PLEKHA3: variants seen among roughly 807,000 people sequenced by gnomAD.
PLEKHA3 encodes pleckstrin homology domain containing A3, also known as pleckstrin homology domain-containing family A member 3.
In PLEKHA3, 19 loss-of-function variants were observed where a neutral mutation model predicts 39.2. The observed-to-expected ratio is 0.48, with a 90% CI of 0.34 to 0.71. PLEKHA3 has a LOEUF of 0.71. Among genes scored for constraint, PLEKHA3 ranks in the 30% least tolerant of loss-of-function variants. The pLI, the probability that PLEKHA3 is intolerant of heterozygous loss-of-function variation, is 0.01. For missense variants in PLEKHA3, 253 were observed against 359.5 expected (o/e 0.70, Z 2.40); for synonymous variants, 97 against 118.6 (o/e 0.82, Z 1.18).
intron 2 of PLEKHA3, among the ~76,000 whole-genome samples, chr2:178,489,308 A>G (rs753781075): frequency 6.6e-6 from 1 of 152,318 alleles, no homozygotes; most frequent in Admixed American, 6.5e-5. Flanking sequence ...TACTTGCCAT[A>G]ATACACTAAA....
At position 178,514,513 on chromosome 2, in the gene PLEKHA3, A is replaced by G. The variant is rs192747063; in HGVS notation, c.*10626A>G. The stretch of plus-strand genomic sequence containing the variant: ...CTAGGATGAACTCTTAAGTTCATAC[A>G]TATACTTTAAAATGGGAACAAACAT... On this transcript the variant is annotated 3_prime_UTR_variant, in exon 8 of 8. Coordinates refer to ENST00000234453, the MANE Select transcript of PLEKHA3 (RefSeq NM_019091.4). 1 of 152,298 alleles carries G rather than the reference A, an allele frequency of 6.6e-6. No homozygotes were observed. Among genetic ancestry groups the G allele is most frequent in the East Asian group, 1.9e-4 (1 of 5,186 alleles). 9.4% of individuals were successfully genotyped at this position (152,298 alleles called of 1,614,324 possible). A position where few individuals can be genotyped will look rare whatever the true frequency, so the allele number is the denominator to read the frequency against.
rs1021889450 is a variant in PLEKHA3, at chr2:178,480,609, T to C, written c.-261T>C. 2 of 295,726 alleles carry C rather than the reference T, an allele frequency of 6.8e-6. No individual in the cohort carries two copies. The highest frequency in any genetic ancestry group is 4.4e-5 in the African/African-American group (2 of 45,288). The allele number at this position is 295,726 out of a possible 1,614,324, so 18.3% of individuals were successfully genotyped here. ...AGGAGGCCGGTCGCGGGCGCATTTT[T>C]GCCGTTGTCGCGGCCGCCGCCGCCG... On this transcript the variant is annotated 5_prime_UTR_variant, in exon 1 of 8. Coordinates refer to ENST00000234453, the MANE Select transcript of PLEKHA3 (RefSeq NM_019091.4).
intron 5 of PLEKHA3, among the ~76,000 whole-genome samples, chr2:178,498,398 A>G (rs1685478928): frequency 6.6e-6 from 1 of 152,212 alleles, no homozygotes; most frequent in African/African-American, 2.4e-5. Context: ...AGGCATTTGC[A>G]TAACATCAAT....
At position 178,480,635 on chromosome 2, in the gene PLEKHA3, A is replaced by C; in HGVS notation, c.-235A>C. On this transcript the variant is annotated 5_prime_UTR_variant, in exon 1 of 8. Transcript: ENST00000234453. ...GCCGTTGTCGCGGCCGCCGCCGCCGAGGCTTACCCGGGAATGTCTGGGCCC... is the reference window on the plus strand; with the variant it reads ...GCCGTTGTCGCGGCCGCCGCCGCCGCGGCTTACCCGGGAATGTCTGGGCCC... 3.1e-6 allele frequency: 1 copy of C among 324,526 alleles called. No individual in the cohort carries two copies. The highest frequency in any genetic ancestry group is 5.6e-6 in the Non-Finnish European group (1 of 180,162). The allele number at this position is 324,526 out of a possible 1,614,324, so 20.1% of individuals were successfully genotyped here.
At position 178,495,668 on chromosome 2, in the gene PLEKHA3, C is replaced by T. The variant is rs1165389977; in HGVS notation, c.615+8C>T. ...CCTTCTCCTGTTCAAATGGTTTGAA[C>T]TTCTTGTTTTGGTTTTTTCCCTCAG... is the stretch of plus-strand genomic sequence containing the variant. On this transcript the variant is annotated splice_region_variant and intron_variant, in intron 5 of 7. Coordinates refer to ENST00000234453, the MANE Select transcript of PLEKHA3 (RefSeq NM_019091.4). The T allele has an allele frequency of 6.3e-7, 1 of 1,583,346 alleles. No individual in the cohort carries two copies. Among genetic ancestry groups the T allele is most frequent in the Non-Finnish European group, 8.6e-7 (1 of 1,163,666 alleles).
chr2:178,484,190 A>G (rs1299335829), intron 1 of PLEKHA3, among the ~76,000 whole-genome samples: 1 of 152,150 alleles, frequency 6.6e-6, no homozygotes, highest in Non-Finnish European at 1.5e-5. Flanking sequence ...GGTACCTCTT[A>G]TGTGCCAGGC....
At position 178,480,896 on chromosome 2, in the gene PLEKHA3, C is replaced by T. The variant is rs773315556; in HGVS notation, c.27C>T (p.Thr9=). The T allele has an allele frequency of 1.8e-5, 23 of 1,313,394 alleles. No individual in the cohort carries two copies. Among genetic ancestry groups the T allele is most frequent in the Non-Finnish European group, 2.3e-5 (23 of 1,021,980 alleles). 81.4% of individuals were successfully genotyped at this position (1,313,394 alleles called of 1,614,324 possible). A position where few individuals can be genotyped will look rare whatever the true frequency, so the allele number is the denominator to read the frequency against. The change falls in exon 1 of 8, where the codon ACC becomes ACT. Residue 9 remains threonine (T), a synonymous_variant. Transcript: ENST00000234453. ...TGGAGGGGGTGTTGTACAAGTGGAC[C>T]AACTATCTCACAGGTATGGGGGCTC... MEGVLYKW[T]NYLTGWQPRW...
intron 6 of PLEKHA3, among the ~76,000 whole-genome samples, chr2:178,500,428 TC>T (rs1161055736): frequency 6.6e-6 from 1 of 152,134 alleles, no homozygotes; most frequent in Non-Finnish European, 1.5e-5. Flanking sequence ...TTCTATCCTT[TC>T]TACCTCATAA....
Position 178,505,001 on chromosome 2 carries a change from T to G in PLEKHA3, c.*1114T>G, listed in dbSNP as rs1480576442. On this transcript the variant is annotated 3_prime_UTR_variant, in exon 8 of 8. Transcript: ENST00000234453. ...TAAGGAGCACTTTAAAACAAACTGG[T>G]GTGTTGTTTTTAAGTTAATCATATG... is the stretch of plus-strand genomic sequence containing the variant. 1 of 152,414 alleles carries G rather than the reference T, an allele frequency of 6.6e-6. No homozygotes were observed. The highest frequency in any genetic ancestry group is 1.5e-5 in the Non-Finnish European group (1 of 67,862). 9.4% of individuals were successfully genotyped at this position (152,414 alleles called of 1,614,324 possible).
intron 4 of PLEKHA3, 124 bp from the exon 5 acceptor site, chr2:178,495,372 A>C (rs368512700): frequency 1.2e-5 from 11 of 917,680 alleles, no homozygotes; most frequent in Admixed American, 3.2e-5. Context: ...ACTGTATTTT[A>C]AATAAATTTG....
In PLEKHA3 at chr2:178,506,084, A is replaced by G. The variant is rs1025324856; in HGVS notation, c.*2197A>G. 2 of 152,108 alleles carry G rather than the reference A, an allele frequency of 1.3e-5. No individual in the cohort carries two copies. The highest frequency in any genetic ancestry group is 4.8e-5 in the African/African-American group (2 of 41,430). The allele number at this position is 152,108 out of a possible 1,614,324, so 9.4% of individuals were successfully genotyped here. On this transcript the variant is annotated 3_prime_UTR_variant, in exon 8 of 8. Coordinates refer to ENST00000234453, the MANE Select transcript of PLEKHA3 (RefSeq NM_019091.4). The stretch of plus-strand genomic sequence containing the variant: ...TTTCAAGTGTGCCTGACTTTTTTGA[A>G]TTTTAAGAAAAAGATGAACCATATA...
At position 178,506,972 on chromosome 2, in the gene PLEKHA3, C is replaced by T. The variant is rs1685611941; in HGVS notation, c.*3085C>T. The stretch of plus-strand genomic sequence containing the variant: ...TCTGTTGTTTTTTTTTTAATTTTAG[C>T]TTTCTTTTTATTAAACTAGTTAATG... On this transcript the variant is annotated 3_prime_UTR_variant, in exon 8 of 8. Transcript: ENST00000234453. The T allele has an allele frequency of 6.6e-6, 1 of 151,562 alleles. No homozygotes were observed. The highest frequency in any genetic ancestry group is 1.5e-5 in the Non-Finnish European group (1 of 67,880). The allele number at this position is 151,562 out of a possible 1,614,324, so 9.4% of individuals were successfully genotyped here.
rs1335766716 is a variant in PLEKHA3 at position 178,488,933 on chromosome 2, T to C, written c.158-1726T>C. Reference sequence around the variant, plus strand: ...GTCTTGTCCATCTTTTCTGATGTTTTGGAAGCATCATTTTTAAGTTTGTTG... The same window carrying C: ...GTCTTGTCCATCTTTTCTGATGTTTCGGAAGCATCATTTTTAAGTTTGTTG... On this transcript the variant is annotated intron_variant, in intron 2 of 7. Transcript: ENST00000234453. 3 of 451,094 alleles carry C rather than the reference T, an allele frequency of 6.7e-6. No individual in the cohort carries two copies. In the East Asian group the frequency reaches 2.1e-4, roughly 32 times the overall value. 27.9% of individuals were successfully genotyped at this position (451,094 alleles called of 1,614,324 possible). A position where few individuals can be genotyped will look rare whatever the true frequency, so the allele number is the denominator to read the frequency against.
chr2:178,486,199 A>G lies in PLEKHA3; in HGVS notation c.157+442A>G, dbSNP rs182574082. Reference sequence around the variant, plus strand: ...AACTCTGGTTCTTTGCTGAATTTGGAGGTAAGTTCCTCTGGGTGATAGAGA... The same window carrying G: ...AACTCTGGTTCTTTGCTGAATTTGGGGGTAAGTTCCTCTGGGTGATAGAGA... On this transcript the variant is annotated intron_variant, in intron 2 of 7. Transcript: ENST00000234453. Among the ~76,000 whole-genome samples, 4 of 152,232 alleles carry G rather than the reference A, an allele frequency of 2.6e-5. No individual in the cohort carries two copies. The East Asian group carries it at 7.7e-4, about 29-fold the overall frequency.
chr2:178,498,651 GA>G (rs1685483226), intron 5 of PLEKHA3, among the ~76,000 whole-genome samples: 1 of 151,368 alleles, frequency 6.6e-6, no homozygotes, highest in Non-Finnish European at 1.5e-5. Context: ...ATATGTTTTG[GA>G]AATCCACTGA....
intron 5 of PLEKHA3, among the ~76,000 whole-genome samples, chr2:178,498,036 A>G (rs569425765): frequency 6.6e-6 from 1 of 152,174 alleles, no homozygotes; most frequent in Non-Finnish European, 1.5e-5. Context: ...TTCCAAAACA[A>G]TTTAATCTGA....
At chr2:178,500,679 T>C (rs1393718087) in intron 6 of PLEKHA3, among the ~76,000 whole-genome samples, 1 of 152,072 alleles carries the variant, frequency 6.6e-6, no homozygotes, top group Non-Finnish European at 1.5e-5. Flanking sequence ...TCCTTGCCCA[T>C]CTCTTTCAGT....
rs745579081 is a variant in PLEKHA3, at chr2:178,503,915, AGTAT to A, written c.*29_*32del. 2 of 1,608,848 alleles carry A rather than the reference AGTAT, an allele frequency of 1.2e-6. No individual in the cohort carries two copies. The highest frequency in any genetic ancestry group is 1.7e-6 in the Non-Finnish European group (2 of 1,176,356). On this transcript the variant is annotated 3_prime_UTR_variant, in exon 8 of 8. Transcript: ENST00000234453. ...AAACTGAAGTGTCCAACTTCCTCTA[AGTAT>A]TGCTATGCAAAAGCTGCTGTAATTA...
intron 3 of PLEKHA3, among the ~76,000 whole-genome samples, chr2:178,491,548 T>C (rs1177430244): frequency 6.6e-6 from 1 of 152,264 alleles, no homozygotes; most frequent in African/African-American, 2.4e-5. Flanking sequence ...CCCTTTGGTA[T>C]CTTTTGACTT....
Sources: gnomAD v4.1 joint callset for allele counts (sites outside exome capture counted in the v4.1 genomes callset) on GRCh38, gnomAD v4.1.1 for gene constraint, MANE v1.5 for transcripts, NCBI Gene and HGNC (gene_info 2026-07-23, HGNC 2026-07-21) for gene names.